The following DLG5 variants were observed in gnomAD, a reference collection of about 807,000 sequenced individuals.
DLG5 encodes discs large MAGUK scaffold protein 5.
In DLG5, 48 loss-of-function variants were observed where a neutral mutation model predicts 189.8. The observed-to-expected ratio is 0.25, with a 90% confidence interval of 0.20 to 0.32. DLG5 has a LOEUF of 0.32. DLG5 is among the 10% of genes least tolerant of loss of function. The pLI is 1.00. For missense variants in DLG5, 2,160 were observed against 2,544.7 expected (o/e 0.85, Z 3.25); for synonymous variants, 1,016 against 1,054.1 (o/e 0.96, Z 0.70).
At chr10:77,850,458 T>C (rs930768154) in intron 5 of DLG5, among the ~76,000 whole-genome samples, 4 of 152,242 alleles carry the variant, frequency 2.6e-5, no homozygotes, top group African/African-American at 9.6e-5. Flanking sequence ...CAGTAGACCT[T>C]TGGGTTGTTA....
At chr10:77,896,857 G>GT (rs1845774997) in intron 1 of DLG5, among the ~76,000 whole-genome samples, 1 of 151,968 alleles carries the variant, frequency 6.6e-6, no homozygotes, top group African/African-American at 2.4e-5. Context: ...TTAACCACTG[G>GT]TGAGTCTCGG....
chr10:77,832,708 T>C (rs1366390662), intron 9 of DLG5, among the ~76,000 whole-genome samples: 1 of 152,146 alleles, frequency 6.6e-6, no homozygotes, highest in Non-Finnish European at 1.5e-5. Context: ...ACACACAAGC[T>C]GAATGCACAA....
intron 2 of DLG5, among the ~76,000 whole-genome samples, chr10:77,861,523 T>TGG (rs1844470163): frequency 2.6e-5 from 4 of 152,198 alleles, no homozygotes; most frequent in Admixed American, 2.6e-4. Context: ...ACCCCATCTC[T>TGG]GTCTCCAGAC....
At chr10:77,887,275 G>A (rs183507141) in intron 1 of DLG5, among the ~76,000 whole-genome samples, 5 of 152,222 alleles carry the variant, frequency 3.3e-5, no homozygotes, top group Admixed American at 6.5e-5. Context: ...CCAGCCCTTT[G>A]CCTGTAACTG....
intron 30 of DLG5, 112 bp from the exon 31 acceptor site, chr10:77,794,229 G>A (rs1840788759): frequency 3.5e-6 from 3 of 859,324 alleles, no homozygotes; most frequent in Non-Finnish European, 5.7e-6. Flanking sequence ...GCTGTGGAGG[G>A]AGGCCCCATG....
chr10:77,808,407 C>T (rs140694107), intron 24 of DLG5, among the ~76,000 whole-genome samples: 1 of 152,182 alleles, frequency 6.6e-6, no homozygotes, highest in Non-Finnish European at 1.5e-5. Context: ...GCTGGGACAA[C>T]AGGCACACTC....
At chr10:77,924,700 G>T (rs1846633996) in intron 1 of DLG5, among the ~76,000 whole-genome samples, 1 of 152,174 alleles carries the variant, frequency 6.6e-6, no homozygotes. Context: ...AAAGGACTAG[G>T]TTTGCCCAGT....
chr10:77,898,382 G>T (rs1051932399), intron 1 of DLG5, among the ~76,000 whole-genome samples: 5 of 152,240 alleles, frequency 3.3e-5, no homozygotes, highest in Non-Finnish European at 5.9e-5. Flanking sequence ...GAGGGGAGCT[G>T]GGGACAAGGT....
In DLG5 at chr10:77,796,075, C is replaced by T. The variant is rs202108948; in HGVS notation, c.5422G>A (p.Glu1808Lys). 34 of 1,614,088 alleles carry T rather than the reference C, an allele frequency of 2.1e-5. No individual in the cohort carries two copies. Among genetic ancestry groups the T allele is most frequent in the Non-Finnish European group, 8.5e-7 (1 of 1,180,050 alleles). Reference sequence around the variant, plus strand: ...GCCCTGGGTACCTTTTCTGTGATCTCCTTTATTGACGCCACAGTGGTCACA... The same window carrying T: ...GCCCTGGGTACCTTTTCTGTGATCTTCTTTATTGACGCCACAGTGGTCACA... ...FDVTTVASIK[E>K]ITEKNRHCLL... Residue 1808 changes from glutamate (E) to lysine (K), a missense_variant, in exon 29 of 32, where the codon GAG becomes AAG. Transcript: ENST00000372391. This position sits in a 1 kb window ranked among gnomAD's most constrained non-coding sequence, Gnocchi z 5.2.
At chr10:77,811,782 G>A in intron 22 of DLG5, 142 bp downstream of exon 22, 5 of 1,256,634 alleles carry the variant, frequency 4.0e-6, no homozygotes, top group Non-Finnish European at 5.3e-6. Context: ...CCAAAATCCA[G>A]GGCTGGTCAA....
At chr10:77,860,458 C>A (rs543037474) in intron 2 of DLG5, among the ~76,000 whole-genome samples, 3 of 152,128 alleles carry the variant, frequency 2.0e-5, no homozygotes, top group Non-Finnish European at 4.4e-5. Flanking sequence ...CCACCATGCC[C>A]GGCTAATTTT....
intron 20 of DLG5, among the ~76,000 whole-genome samples, chr10:77,813,805 G>A (rs531334787): frequency 3.9e-5 from 6 of 152,320 alleles, no homozygotes; most frequent in South Asian, 2.1e-4. Context: ...ATGCAAAGAC[G>A]TAAGGGACAC....
chr10:77,871,791 C>A (rs902391093), intron 1 of DLG5, among the ~76,000 whole-genome samples: 4 of 151,978 alleles, frequency 2.6e-5, no homozygotes, highest in Non-Finnish European at 4.4e-5. Flanking sequence ...ATCCACCAGG[C>A]CTCAGCCTCC....
At position 77,843,710 on chromosome 10, in the gene DLG5, G is replaced by A; in HGVS notation, c.865-4C>T. On this transcript the variant is annotated splice_region_variant and splice_polypyrimidine_tract_variant and intron_variant, in intron 5 of 31. Coordinates refer to ENST00000372391, the MANE Select transcript of DLG5 (RefSeq NM_004747.4). Reference sequence around the variant, plus strand: ...ATGACCCGTTGTGCTTCAACACCTGGAGACCAGACAGTTTCACTTACCAAG... The same window carrying A: ...ATGACCCGTTGTGCTTCAACACCTGAAGACCAGACAGTTTCACTTACCAAG... 6.2e-7 allele frequency: 1 copy of A among 1,614,006 alleles called. No homozygotes were observed. Among genetic ancestry groups the A allele is most frequent in the Non-Finnish European group, 8.5e-7 (1 of 1,179,974 alleles).
At chr10:77,822,728 A>C (rs949957692) in intron 14 of DLG5, among the ~76,000 whole-genome samples, 3 of 152,220 alleles carry the variant, frequency 2.0e-5, no homozygotes, top group African/African-American at 7.2e-5. Flanking sequence ...TTAAAAATAT[A>C]TCTCTTGTGG....
At position 77,842,030 on chromosome 10, in the gene DLG5, T is replaced by C. The variant is rs1399346299; in HGVS notation, c.1288A>G (p.Ser430Gly). The C allele has an allele frequency of 1.9e-6, 3 of 1,614,240 alleles. No homozygotes were observed. The highest frequency in any genetic ancestry group is 1.7e-5 in the Admixed American group (1 of 60,032). The change falls in exon 7 of 32, where the codon AGC becomes GGC. Residue 430 changes from serine (S) to glycine (G), a missense_variant. This residue lies in a region of DLG5 where 664 missense variants were observed against 838.5 expected (regional missense o/e 0.79). Coordinates refer to ENST00000372391, the MANE Select transcript of DLG5 (RefSeq NM_004747.4). Reference sequence around the variant, plus strand: ...TCACTCATGATGAGCTTGTACTCGCTGTACACAGCGTCCCGCTCCTCCCTG... The same window carrying C: ...TCACTCATGATGAGCTTGTACTCGCCGTACACAGCGTCCCGCTCCTCCCTG... The part of the protein sequence containing the change: ...KYREERDAVY[S>G]EYKLIMSERD...
rs1840775889 is a variant in DLG5 at position 77,794,019 on chromosome 10, C to T, written c.5645G>A (p.Arg1882Lys). 1 of 1,613,780 alleles carries T rather than the reference C, an allele frequency of 6.2e-7. No individual in the cohort carries two copies. The highest frequency in any genetic ancestry group is 1.3e-5 in the African/African-American group (1 of 74,924). Reference sequence around the variant, plus strand: ...CCACGCACACCTACCTGTGAAGTACCTGCTGTACTCCTGCTCAAGCTTCTG... The same window carrying T: ...CCACGCACACCTACCTGTGAAGTACTTGCTGTACTCCTGCTCAAGCTTCTG... ...AAQKLEQEYS[R>K]YFTGVIQGGA... Residue 1882 changes from arginine (R) to lysine (K), a missense_variant, in exon 31 of 32, where the codon AGG becomes AAG. Arg to Lys is a conservative substitution (Grantham distance 26). Transcript: ENST00000372391.
At chr10:77,873,338 C>G (rs1293585566) in intron 1 of DLG5, among the ~76,000 whole-genome samples, 1 of 152,108 alleles carries the variant, frequency 6.6e-6, no homozygotes, top group Non-Finnish European at 1.5e-5. Context: ...TGGCCCAGAG[C>G]TGGAGTCCAC....
rs547885540 is a variant in DLG5 at position 77,796,569 on chromosome 10, C to A, written c.5190G>T (p.Arg1730=). The change falls in exon 28 of 32, where the codon CGG becomes CGT. Residue 1730 remains arginine (R), a synonymous_variant. Coordinates refer to ENST00000372391, the MANE Select transcript of DLG5 (RefSeq NM_004747.4). This position sits in a 1 kb window ranked among gnomAD's most constrained non-coding sequence, Gnocchi z 5.2. The part of the protein sequence containing the change: ...FEDSVSLAYQ[R]VQKVDCTALR... The stretch of plus-strand genomic sequence containing the variant: ...GAGCGGTGCAGTCCACCTTCTGGAC[C>A]CGCTGATAGGCCAGGCTCACCGAAT... The A allele has an allele frequency of 1.2e-6, 2 of 1,614,068 alleles. No homozygotes were observed. Among genetic ancestry groups the A allele is most frequent in the Admixed American group, 1.7e-5 (1 of 60,032 alleles).
Sources: allele counts gnomAD v4.1 joint callset (sites outside exome capture counted in the v4.1 genomes callset), GRCh38; gene constraint gnomAD v4.1.1; regional missense constraint gnomAD v4.1.1; non-coding constraint Gnocchi (gnomAD v3.1); transcripts MANE v1.5; gene names NCBI Gene and HGNC (gene_info 2026-07-23, HGNC 2026-07-21).